The following EPHA6 variants were observed in gnomAD, a reference collection of about 807,000 sequenced individuals.
The protein encoded by EPHA6 is ephrin type-A receptor 6.
In EPHA6, 50 loss-of-function variants were observed where a neutral mutation model predicts 112.0. The ratio of observed to expected loss-of-function variants is 0.45; its 90% CI spans 0.36 to 0.56. The LOEUF (loss-of-function observed/expected upper bound fraction) is 0.56. Ranked by LOEUF, EPHA6 falls within the 20% of genes least tolerant of loss-of-function variation. EPHA6 has a pLI of 0.00. For synonymous variants in EPHA6, 529 were observed against 490.7 expected, an observed-to-expected ratio of 1.08 and a Z score of -1.03; for missense variants, 1,280 against 1,417.4, an observed-to-expected ratio of 0.90 and a Z score of 1.56.
intron 5 of EPHA6, among the ~76,000 whole-genome samples, chr3:97,365,618 G>T (rs1447916467): frequency 6.6e-6 from 1 of 152,098 alleles, no homozygotes; most frequent in Non-Finnish European, 1.5e-5. Context: ...TCGATCTCCT[G>T]ACCTCGTGAT....
intron 3 of EPHA6, among the ~76,000 whole-genome samples, chr3:97,116,769 T>G (rs956891474): frequency 2.6e-5 from 4 of 151,742 alleles, no homozygotes; most frequent in Non-Finnish European, 5.9e-5. Context: ...ATATCTTGGA[T>G]ATTGTGAATA....
chr3:97,007,129 C>G (rs939007477), intron 3 of EPHA6, among the ~76,000 whole-genome samples: 1 of 152,144 alleles, frequency 6.6e-6, no homozygotes, highest in Non-Finnish European at 1.5e-5. Flanking sequence ...CCACTTGATC[C>G]AGAGCTGAGT....
chr3:97,298,658 T>C (rs2080967418), intron 5 of EPHA6, among the ~76,000 whole-genome samples: 2 of 151,778 alleles, frequency 1.3e-5, no homozygotes, highest in Non-Finnish European at 2.9e-5. Flanking sequence ...CTGTTAATCC[T>C]AAAAAAAAGA....
At chr3:97,509,053 T>A (rs1283237192) in intron 10 of EPHA6, among the ~76,000 whole-genome samples, 1 of 135,924 alleles carries the variant, frequency 7.4e-6, no homozygotes, top group Non-Finnish European at 1.6e-5. Context: ...ATATTCCTCA[T>A]CCCTTTACTT....
intron 5 of EPHA6, among the ~76,000 whole-genome samples, chr3:97,365,791 A>G (rs1378238747): frequency 6.6e-6 from 1 of 152,166 alleles, no homozygotes; most frequent in Non-Finnish European, 1.5e-5. Context: ...ACTGAATTTA[A>G]ATGAAAGGTA....
At chr3:97,692,736 T>C (rs1177191120) in intron 14 of EPHA6, among the ~76,000 whole-genome samples, 1 of 152,234 alleles carries the variant, frequency 6.6e-6, no homozygotes, top group East Asian at 1.9e-4. Flanking sequence ...TTTTCATTCA[T>C]ACTCACATCA....
At chr3:96,997,517 G>T (rs1179490240) in intron 3 of EPHA6, among the ~76,000 whole-genome samples, 1 of 151,860 alleles carries the variant, frequency 6.6e-6, no homozygotes, top group Non-Finnish European at 1.5e-5. Context: ...GTGTCTCAGA[G>T]ACCCAAGGAG....
chr3:97,476,077 TTAAA>T (rs1215207337), intron 8 of EPHA6, among the ~76,000 whole-genome samples: 2 of 152,104 alleles, frequency 1.3e-5, no homozygotes, highest in Non-Finnish European at 2.9e-5. Flanking sequence ...TTAATGACTT[TTAAA>T]TAAATAGTAT....
rs551711271 is a variant in EPHA6 at position 96,934,359 on chromosome 3, A to C, written c.451-52971A>C. Among the ~76,000 whole-genome samples the C allele has an allele frequency of 4.0e-5, 6 of 151,766 alleles. 1 individual carries two copies. The highest frequency in any genetic ancestry group is 1.3e-4 in the Admixed American group (2 of 15,238). On this transcript the variant is annotated intron_variant, in intron 2 of 17. Coordinates refer to ENST00000389672, the MANE Select transcript of EPHA6 (RefSeq NM_001080448.3). ...TTTTATTTTATCTTATACCATTATT[A>C]TTAAATATATTAGCACATTTGGTAT... is the stretch of plus-strand genomic sequence containing the variant.
intron 5 of EPHA6, among the ~76,000 whole-genome samples, chr3:97,257,701 A>G (rs1198315562): frequency 6.6e-6 from 1 of 152,080 alleles, no homozygotes; most frequent in Non-Finnish European, 1.5e-5. Flanking sequence ...TAATATGGGT[A>G]GAAAAACTGT....
intron 14 of EPHA6, among the ~76,000 whole-genome samples, chr3:97,683,445 G>C (rs941149621): frequency 1.3e-4 from 20 of 152,204 alleles, no homozygotes; most frequent in African/African-American, 4.8e-4. Flanking sequence ...TAGTACAGAT[G>C]TAGTAACTAT....
intron 3 of EPHA6, among the ~76,000 whole-genome samples, chr3:97,131,511 G>C (rs1320215016): frequency 6.6e-6 from 1 of 152,140 alleles, no homozygotes; most frequent in Non-Finnish European, 1.5e-5. Flanking sequence ...AAGTAAGTAT[G>C]AGGTATTGGA....
chr3:97,500,908 A>C lies in EPHA6; in HGVS notation c.2200+16849A>C, dbSNP rs2092100966. On this transcript the variant is annotated intron_variant, in intron 10 of 17. Transcript: ENST00000389672. ...TATTATCTTCATATAATAGGAAGCC[A>C]TAAGTAAAAGTATACAACAAATAGC... is the stretch of plus-strand genomic sequence containing the variant. Among the ~76,000 whole-genome samples, 3 of 152,184 alleles carry C rather than the reference A, an allele frequency of 2.0e-5. No individual in the cohort carries two copies. The South Asian group carries it at 6.2e-4, about 32-fold the overall frequency.
chr3:97,621,837 C>T (rs2093816532), intron 13 of EPHA6, among the ~76,000 whole-genome samples: 1 of 151,834 alleles, frequency 6.6e-6, no homozygotes, highest in Non-Finnish European at 1.5e-5. Context: ...ACTCAGTGTT[C>T]TCAACAAGAG....
At chr3:97,560,998 A>ATCATTATAACAT (rs2093181764) in intron 11 of EPHA6, among the ~76,000 whole-genome samples, 1 of 151,972 alleles carries the variant, frequency 6.6e-6, no homozygotes, top group Non-Finnish European at 1.5e-5. Context: ...CTATTATAAC[A>ATCATTATAACAT]GTTTTGGGAT....
intron 3 of EPHA6, among the ~76,000 whole-genome samples, chr3:97,054,195 C>G (rs2045779357): frequency 6.7e-6 from 1 of 149,192 alleles, no homozygotes; most frequent in Admixed American, 6.7e-5. Context: ...CACACACACA[C>G]AACAGATTAA....
chr3:97,345,070 C>T (rs77248092), intron 5 of EPHA6, among the ~76,000 whole-genome samples: 2,093 of 150,678 alleles, frequency 0.014, 31 homozygotes, highest in Non-Finnish European at 0.022. Context: ...TAGAGGGAAG[C>T]CAAATGAGGG....
chr3:97,493,385 A>C (rs1173782875), intron 10 of EPHA6, among the ~76,000 whole-genome samples: 1 of 152,164 alleles, frequency 6.6e-6, no homozygotes, highest in African/African-American at 2.4e-5. Context: ...GGGTGCCTAC[A>C]TGGTCAGGTT....
chr3:97,013,264 A>G (rs181194652), intron 3 of EPHA6, among the ~76,000 whole-genome samples: 1 of 152,248 alleles, frequency 6.6e-6, no homozygotes, highest in African/African-American at 2.4e-5. Flanking sequence ...AAAAAGTGTG[A>G]GTTAATGATT....
Sources: gnomAD v4.1 joint callset for allele counts (sites outside exome capture counted in the v4.1 genomes callset) on GRCh38, gnomAD v4.1.1 for gene constraint, MANE v1.5 for transcripts, NCBI Gene and HGNC (gene_info 2026-07-23, HGNC 2026-07-21) for gene names.